Variants in ANKRD27 observed in about 807,000 individuals in gnomAD.
ANKRD27 encodes ankyrin repeat domain 27, also known as ankyrin repeat domain-containing protein 27.
ANKRD27 carries 112 observed loss-of-function variants against 129.7 expected under a neutral mutation model. That is an observed-to-expected ratio of 0.86 (90% CI 0.74 to 1.01). The LOEUF is 1.01. Ranked by LOEUF, ANKRD27 falls within the 50% of genes least tolerant of loss-of-function variation. The pLI, the probability that ANKRD27 is intolerant of heterozygous loss-of-function variation, is 0.00. For synonymous variants in ANKRD27, 516 were observed against 511.2 expected, an observed-to-expected ratio of 1.01 and a Z score of -0.13; for missense variants, 1,258 against 1,300.5, an observed-to-expected ratio of 0.97 and a Z score of 0.50.
At chr19:32,632,342 T>C (rs1041246219) in intron 12 of ANKRD27, among the ~76,000 whole-genome samples, 6 of 151,428 alleles carry the variant, frequency 4.0e-5, no homozygotes, top group Admixed American at 3.3e-4. Context: ...CCCCAGCACT[T>C]TGAGGGGCCG....
chr19:32,653,738 C>CGGGGT (rs1267024902), intron 2 of ANKRD27, among the ~76,000 whole-genome samples: 2 of 7,748 alleles, frequency 2.6e-4, no homozygotes, highest in Non-Finnish European at 4.8e-4. Flanking sequence ...GTGGCGGGGG[C>CGGGGT]GGGGACGGGG....
At chr19:32,630,031 T>C (rs1359232109) in intron 13 of ANKRD27, among the ~76,000 whole-genome samples, 1 of 152,018 alleles carries the variant, frequency 6.6e-6, no homozygotes, top group Non-Finnish European at 1.5e-5. Context: ...GCCTCCCATA[T>C]AGCTGGGACT....
intron 1 of ANKRD27, among the ~76,000 whole-genome samples, chr19:32,663,779 G>A (rs1006136244): frequency 2.0e-5 from 3 of 152,104 alleles, no homozygotes; most frequent in Non-Finnish European, 2.9e-5. Flanking sequence ...ATAGGGGGCC[G>A]GGTGTGGTGG....
At position 32,643,786 on chromosome 19, in the gene ANKRD27, G is replaced by A. The variant is rs528878049; in HGVS notation, c.526-155C>T. 61 of 689,544 alleles carry A rather than the reference G, an allele frequency of 8.8e-5. No homozygotes were observed. The African/African-American group carries it at 9.8e-4, about 11-fold the overall frequency. The allele number at this position is 689,544 out of a possible 1,614,324, so 42.7% of individuals were successfully genotyped here. ...CTCAACTTTTTTTTTAGGTGTATAT[G>A]CATTAAAAGCAGGAGAAACTTCCCC... On this transcript the variant is annotated intron_variant, in intron 5 of 28. Coordinates refer to ENST00000306065, the MANE Select transcript of ANKRD27 (RefSeq NM_032139.3).
At chr19:32,672,711 G>C (rs1967895551) in intron 1 of ANKRD27, 1 of 152,462 alleles carries the variant, frequency 6.6e-6, no homozygotes, top group African/African-American at 2.4e-5. Context: ...GGAAAGTTTG[G>C]AGGAGCACAA....
intron 14 of ANKRD27, 80 bp downstream of exon 14, chr19:32,628,642 A>T (rs555051075): frequency 1.3e-6 from 2 of 1,569,702 alleles, no homozygotes; most frequent in South Asian, 1.2e-5. Flanking sequence ...ATCTGCAGTC[A>T]CACAGCGCAC....
At chr19:32,648,801 A>G (rs1391886762) in intron 3 of ANKRD27, among the ~76,000 whole-genome samples, 1 of 151,100 alleles carries the variant, frequency 6.6e-6, no homozygotes. Flanking sequence ...TCCATCTCAA[A>G]AAAAAAAAAA....
At chr19:32,637,623 G>A (rs536359534) in intron 12 of ANKRD27, 1 of 152,466 alleles carries the variant, frequency 6.6e-6, no homozygotes, top group Admixed American at 6.5e-5. Flanking sequence ...GGAACAGGCA[G>A]GAGCCCCCAT....
At chr19:32,648,837 G>A (rs1489834055) in intron 3 of ANKRD27, among the ~76,000 whole-genome samples, 3 of 151,752 alleles carry the variant, frequency 2.0e-5, no homozygotes, top group Admixed American at 6.6e-5. Flanking sequence ...AATAATATGT[G>A]TTGAGAGACA....
At chr19:32,668,096 G>A (rs1229993430) in intron 1 of ANKRD27, among the ~76,000 whole-genome samples, 1 of 152,062 alleles carries the variant, frequency 6.6e-6, no homozygotes, top group African/African-American at 2.4e-5. Context: ...CCACCATTTG[G>A]GAGAGTCCTT....
intron 1 of ANKRD27, among the ~76,000 whole-genome samples, chr19:32,665,750 C>A (rs1055572804): frequency 6.6e-6 from 1 of 151,856 alleles, no homozygotes; most frequent in Non-Finnish European, 1.5e-5. Flanking sequence ...TGAGCCACCG[C>A]GCCCAGCCTG....
chr19:32,606,653 G>A (rs763023215), intron 23 of ANKRD27, among the ~76,000 whole-genome samples: 1 of 55,716 alleles, frequency 1.8e-5, no homozygotes, highest in Non-Finnish European at 5.5e-5. Context: ...AGCTGCAATC[G>A]CCACTCCGAA....
At chr19:32,602,938 T>A (rs1225877128) in intron 25 of ANKRD27, among the ~76,000 whole-genome samples, 1 of 151,832 alleles carries the variant, frequency 6.6e-6, no homozygotes, top group Non-Finnish European at 1.5e-5. Flanking sequence ...CCAAAAAAAA[T>A]TCAACATAAT....
intron 26 of ANKRD27, among the ~76,000 whole-genome samples, chr19:32,601,520 G>C (rs2145254975): frequency 6.7e-6 from 1 of 149,850 alleles, no homozygotes; most frequent in Non-Finnish European, 1.5e-5. Flanking sequence ...CTTGAGGCAG[G>C]AGAATGGCGT....
At chr19:32,614,541 T>TA (rs1301536307) in intron 22 of ANKRD27, among the ~76,000 whole-genome samples, 3 of 151,814 alleles carry the variant, frequency 2.0e-5, no homozygotes, top group Non-Finnish European at 4.4e-5. Context: ...CTGTCTCCAC[T>TA]AAAAATACAA....
chr19:32,649,284 C>G (rs533701791), intron 3 of ANKRD27, among the ~76,000 whole-genome samples: 3 of 152,208 alleles, frequency 2.0e-5, no homozygotes, highest in African/African-American at 4.8e-5. Context: ...AAACAAAAAG[C>G]TTTTAAAAAC....
At chr19:32,630,108 GC>G (rs1966967082) in intron 13 of ANKRD27, among the ~76,000 whole-genome samples, 1 of 151,884 alleles carries the variant, frequency 6.6e-6, no homozygotes, top group South Asian at 2.1e-4. Context: ...TTTTATACTT[GC>G]TATGGACTAG....
At chr19:32,619,978 C>T (rs917863470) in intron 18 of ANKRD27, among the ~76,000 whole-genome samples, 4 of 152,156 alleles carry the variant, frequency 2.6e-5, no homozygotes, top group African/African-American at 9.7e-5. Context: ...GCCGAGAAGG[C>T]AGCCTCTCTT....
In ANKRD27 at chr19:32,675,115, G is replaced by GA. The variant is rs1229590114; in HGVS notation, c.-76_-75insT. 4.6e-5 allele frequency: 7 copies of GA among 152,372 alleles called. No homozygotes were observed. The highest frequency in any genetic ancestry group is 1.7e-4 in the African/African-American group (7 of 41,438). The allele number at this position is 152,372 out of a possible 1,614,324, so 9.4% of individuals were successfully genotyped here. A position where few individuals can be genotyped will look rare whatever the true frequency, so the allele number is the denominator to read the frequency against. ...CATTCCCAGCCCATCCTGGGCGACGGCGGCACCTCCCTCGTCCGCTGCTGG... is the reference window on the plus strand; with the variant it reads ...CATTCCCAGCCCATCCTGGGCGACGGACGGCACCTCCCTCGTCCGCTGCTGG... On this transcript the variant is annotated 5_prime_UTR_variant, in exon 1 of 29. Transcript: ENST00000306065.
Sources: allele counts gnomAD v4.1 joint callset (sites outside exome capture counted in the v4.1 genomes callset), GRCh38; gene constraint gnomAD v4.1.1; transcripts MANE v1.5; gene names NCBI Gene and HGNC (gene_info 2026-07-23, HGNC 2026-07-21).